The following DLG2 variants were observed in gnomAD, a reference collection of about 807,000 sequenced individuals.
DLG2 encodes discs large MAGUK scaffold protein 2.
In DLG2, 45 loss-of-function variants were observed where a neutral mutation model predicts 132.5. That is an observed-to-expected ratio of 0.34 (90% confidence interval 0.27 to 0.44). The LOEUF (loss-of-function observed/expected upper bound fraction) is 0.44, where lower values mean the gene tolerates loss of function less well. Ranked by LOEUF, DLG2 falls within the 20% of genes least tolerant of loss-of-function variation. DLG2 has a pLI of 1.00. For synonymous variants in DLG2, 424 were observed against 419.6 expected (o/e 1.01, Z -0.13); for missense variants, 1,045 against 1,196.9 (o/e 0.87, Z 1.87).
intron 3 of DLG2, among the ~76,000 whole-genome samples, chr11:85,456,525 C>T (rs532544392): frequency 1.3e-5 from 2 of 152,212 alleles, no homozygotes; most frequent in Admixed American, 6.5e-5. Context: ...GATTGGTTTG[C>T]TCTTGTGTCT....
At chr11:84,670,947 C>A (rs1432824273) in intron 6 of DLG2, among the ~76,000 whole-genome samples, 1 of 151,798 alleles carries the variant, frequency 6.6e-6, no homozygotes, top group East Asian at 1.9e-4. Context: ...AATTAATTAC[C>A]ATAAGAAAAA....
At chr11:85,312,874 G>A (rs1289778148) in intron 3 of DLG2, among the ~76,000 whole-genome samples, 1 of 151,860 alleles carries the variant, frequency 6.6e-6, no homozygotes, top group Non-Finnish European at 1.5e-5. Flanking sequence ...AAAATATTGA[G>A]AAATGATGAA....
intron 18 of DLG2, among the ~76,000 whole-genome samples, chr11:83,711,065 A>T (rs2085305961): frequency 6.6e-6 from 1 of 152,152 alleles, no homozygotes; most frequent in Non-Finnish European, 1.5e-5. Context: ...ACATAACTAG[A>T]TCCTGACTAT....
chr11:85,605,341 T>G (rs889962370), intron 2 of DLG2, among the ~76,000 whole-genome samples: 1 of 152,158 alleles, frequency 6.6e-6, no homozygotes, highest in African/African-American at 2.4e-5. Context: ...CATATTTTTA[T>G]GGAAAAAATA....
chr11:84,219,647 T>C (rs993205230), intron 8 of DLG2, among the ~76,000 whole-genome samples: 2 of 152,192 alleles, frequency 1.3e-5, no homozygotes, highest in Non-Finnish European at 2.9e-5. Flanking sequence ...GATGTTTTCT[T>C]TCCCTAGAAG....
intron 7 of DLG2, among the ~76,000 whole-genome samples, chr11:84,302,541 T>A (rs1036870881): frequency 6.6e-6 from 1 of 152,170 alleles, no homozygotes; most frequent in Admixed American, 6.5e-5. Context: ...AAAATTTGTA[T>A]CTTTCACTGA....
intron 16 of DLG2, among the ~76,000 whole-genome samples, chr11:83,870,298 A>G (rs1407508200): frequency 6.6e-6 from 1 of 152,162 alleles, no homozygotes; most frequent in Non-Finnish European, 1.5e-5. Context: ...ATTTCACTCT[A>G]TTGAGTCTCC....
chr11:83,920,050 C>A (rs953533238), intron 15 of DLG2, among the ~76,000 whole-genome samples: 1 of 152,168 alleles, frequency 6.6e-6, no homozygotes, highest in Admixed American at 6.5e-5. Flanking sequence ...CACCATGCCA[C>A]AGACCCTGAC....
chr11:83,906,831 G>A (rs1001346549), intron 15 of DLG2, among the ~76,000 whole-genome samples: 14 of 152,088 alleles, frequency 9.2e-5, no homozygotes, highest in Non-Finnish European at 1.0e-4. Flanking sequence ...GTATGGCTCC[G>A]AAAGTTAACC....
intron 4 of DLG2, among the ~76,000 whole-genome samples, chr11:85,209,956 A>T (rs956140475): frequency 1.3e-5 from 2 of 151,616 alleles, no homozygotes; most frequent in African/African-American, 2.4e-5. Flanking sequence ...CTTTTTCATA[A>T]CTGCCTAGTT....
intron 8 of DLG2, among the ~76,000 whole-genome samples, chr11:84,168,822 C>T (rs1025203808): frequency 6.4e-4 from 69 of 108,438 alleles, no homozygotes; most frequent in Middle Eastern, 5.0e-3. Flanking sequence ...CACACACACA[C>T]ACATACACAC....
intron 21 of DLG2, among the ~76,000 whole-genome samples, chr11:83,527,769 C>T (rs1230234503): frequency 6.6e-6 from 1 of 152,110 alleles, no homozygotes; most frequent in East Asian, 1.9e-4. Context: ...TGATAGCTCT[C>T]TCATACTCTC....
At chr11:85,382,063 A>G (rs1172739432) in intron 3 of DLG2, among the ~76,000 whole-genome samples, 1 of 152,160 alleles carries the variant, frequency 6.6e-6, no homozygotes, top group Non-Finnish European at 1.5e-5. Flanking sequence ...GGGACCCAGA[A>G]TAACCAAAAC....
intron 18 of DLG2, among the ~76,000 whole-genome samples, chr11:83,695,926 G>C (rs1366262263): frequency 6.6e-6 from 1 of 152,108 alleles, no homozygotes; most frequent in Non-Finnish European, 1.5e-5. Context: ...TTTGAACCCA[G>C]CTGGAAAACA....
intron 9 of DLG2, among the ~76,000 whole-genome samples, chr11:84,104,261 T>C (rs1287087508): frequency 6.6e-6 from 1 of 152,018 alleles, no homozygotes; most frequent in Non-Finnish European, 1.5e-5. Flanking sequence ...AAGAATAAAA[T>C]CATATCCTTT....
At chr11:84,462,454 A>C (rs1472801159) in intron 7 of DLG2, among the ~76,000 whole-genome samples, 4 of 151,172 alleles carry the variant, frequency 2.6e-5, no homozygotes, top group African/African-American at 9.7e-5. Context: ...AAGCATGTAC[A>C]TAAATCTAGT....
rs180903385 is a variant in DLG2 at position 85,155,743 on chromosome 11, G to A, written c.187-1092C>T. ...AAATTAGCCAGGTGTGGTGGCATGC[G>A]CCTGTAATCCCAGCTACTTGAGAGG... On this transcript the variant is annotated intron_variant, in intron 4 of 27. Coordinates refer to ENST00000376104, the MANE Select transcript of DLG2 (RefSeq NM_001142699.3). Among the ~76,000 whole-genome samples the A allele has an allele frequency of 1.6e-4, 24 of 151,886 alleles. No individual in the cohort carries two copies. In the East Asian group the frequency reaches 1.9e-3, roughly 12 times the overall value.
chr11:84,796,743 CATTGAAAAGTATGTTACCAGACAT>C (rs2074670336), intron 6 of DLG2, among the ~76,000 whole-genome samples: 1 of 151,956 alleles, frequency 6.6e-6, no homozygotes, highest in Non-Finnish European at 1.5e-5. Context: ...ATAAGGTTCC[CATTGAAAAGTATGTTACCAGACAT>C]ATTGGAGCTC....
intron 10 of DLG2, among the ~76,000 whole-genome samples, chr11:84,069,887 G>A (rs2096731193): frequency 1.3e-5 from 2 of 152,212 alleles, no homozygotes; most frequent in Non-Finnish European, 2.9e-5. Flanking sequence ...AGGGTCATGG[G>A]ACTGGAGATT....
Sources: gnomAD v4.1 joint callset for allele counts (sites outside exome capture counted in the v4.1 genomes callset) on GRCh38, gnomAD v4.1.1 for gene constraint, MANE v1.5 for transcripts, NCBI Gene and HGNC (gene_info 2026-07-23, HGNC 2026-07-21) for gene names.